The following PCNX1 variants were observed in gnomAD, a reference collection of about 807,000 sequenced individuals.
PCNX1 encodes the protein pecanex-like protein 1.
A neutral mutation model predicts 242.2 loss-of-function variants in PCNX1; 78 were observed. The observed-to-expected ratio is 0.32, with a 90% CI of 0.27 to 0.39. The LOEUF is 0.39. PCNX1 is among the 10% of genes least tolerant of loss of function. PCNX1 has a pLI of 1.00. For missense variants in PCNX1, 2,581 were observed against 2,856.5 expected (o/e 0.90, Z 2.20); for synonymous variants, 1,024 against 1,032.9 (o/e 0.99, Z 0.17).
intron 2 of PCNX1, among the ~76,000 whole-genome samples, chr14:70,955,281 A>T (rs960861007): frequency 6.6e-6 from 1 of 152,198 alleles, no homozygotes; most frequent in African/African-American, 2.4e-5. Flanking sequence ...GATCAATTTA[A>T]ACTGTATGAA....
At chr14:71,048,988 A>T (rs2060946134) in intron 22 of PCNX1, 6 of 879,850 alleles carry the variant, frequency 6.8e-6, no homozygotes, top group Non-Finnish European at 8.2e-6. Flanking sequence ...TTCCTCTTCT[A>T]GTGAGTATGG....
intron 17 of PCNX1, 32 bp downstream of exon 17, chr14:71,033,570 G>A: frequency 1.7e-6 from 2 of 1,171,350 alleles, no homozygotes; most frequent in Admixed American, 1.9e-5. Context: ...TGAATTAAAA[G>A]AAATTTAAGT....
chr14:70,949,302 C>G (rs79700058), intron 2 of PCNX1, among the ~76,000 whole-genome samples: 37 of 146,252 alleles, frequency 2.5e-4, no homozygotes, highest in African/African-American at 9.1e-4. Context: ...TGTGTACACA[C>G]ATATGTGTGT....
At position 71,029,387 on chromosome 14, in the gene PCNX1, A is replaced by G. The variant is rs149602508; in HGVS notation, c.3558+596A>G. ...TTTGTTTGGCGACTAGTGCAAGACA[A>G]TCAGAGAATGGTAGGGTTGAAAGGA... On this transcript the variant is annotated intron_variant, in intron 16 of 35. Coordinates refer to ENST00000304743, the MANE Select transcript of PCNX1 (RefSeq NM_014982.3). Among the ~76,000 whole-genome samples, 645 of 152,292 alleles carry G rather than the reference A, an allele frequency of 4.2e-3. 5 individuals are homozygous for G. The highest frequency in any genetic ancestry group is 6.9e-3 in the Non-Finnish European group (470 of 68,014).
intron 8 of PCNX1, among the ~76,000 whole-genome samples, chr14:71,005,521 G>A (rs34548016): frequency 1.3e-5 from 2 of 151,816 alleles, no homozygotes; most frequent in South Asian, 2.1e-4. Context: ...AAAAAAAAGG[G>A]GGGGTGGGGA....
In PCNX1 at chr14:71,057,781, T is replaced by TA; in HGVS notation, c.4852+58dup. On this transcript the variant is annotated intron_variant, in intron 26 of 35. Transcript: ENST00000304743. ...GCATACTCCTGTGGCACCTTAGTTT[T>TA]ACATGTTTCTATCTCAAACCAGAAG... 3.5e-6 allele frequency: 4 copies of TA among 1,140,830 alleles called. No individual in the cohort carries two copies. The South Asian group carries it at 5.4e-5, about 15-fold the overall frequency. 70.7% of individuals were successfully genotyped at this position (1,140,830 alleles called of 1,614,324 possible). A position where few individuals can be genotyped will look rare whatever the true frequency, so the allele number is the denominator to read the frequency against.
Position 70,952,113 on chromosome 14 carries a change from A to G in PCNX1, c.362+4990A>G, listed in dbSNP as rs372521409. ...GAGGAAAATAATGGAACTCTCTCAT[A>G]GGATTATTACAATGAATAAATGAAA... is the stretch of plus-strand genomic sequence containing the variant. On this transcript the variant is annotated intron_variant, in intron 2 of 35. Transcript: ENST00000304743. Among the ~76,000 whole-genome samples, 16 of 152,334 alleles carry G rather than the reference A, an allele frequency of 1.1e-4. No individual in the cohort carries two copies. In the East Asian group the frequency reaches 2.9e-3, roughly 28 times the overall value.
intron 9 of PCNX1, among the ~76,000 whole-genome samples, chr14:71,011,289 G>A (rs2140547287): frequency 6.6e-6 from 1 of 152,242 alleles, no homozygotes; most frequent in Middle Eastern, 3.4e-3. Flanking sequence ...TAGGTAACTT[G>A]TCCAAGATCT....
At chr14:71,057,436 A>T in intron 25 of PCNX1, 73 bp from the exon 26 acceptor site, 1 of 934,536 alleles carries the variant, frequency 1.1e-6, no homozygotes, top group South Asian at 1.5e-5. Context: ...GAAGTTTTTA[A>T]TATTTTTAAC....
intron 26 of PCNX1, among the ~76,000 whole-genome samples, chr14:71,063,544 T>G (rs1163065278): frequency 6.6e-6 from 1 of 152,320 alleles, no homozygotes; most frequent in South Asian, 2.1e-4. Context: ...GGGATGAGTA[T>G]ACTCTTGCTC....
chr14:70,984,588 G>A (rs1315203049), intron 6 of PCNX1, among the ~76,000 whole-genome samples: 2 of 145,888 alleles, frequency 1.4e-5, no homozygotes, highest in East Asian at 1.9e-4. Context: ...GGGTTTCACC[G>A]TGTTAGCCAG....
chr14:71,046,178 T>C (rs2060855222), intron 20 of PCNX1, among the ~76,000 whole-genome samples: 3 of 152,112 alleles, frequency 2.0e-5, no homozygotes, highest in African/African-American at 7.2e-5. Flanking sequence ...AGAATCTTTA[T>C]TGGCCCATTT....
chr14:71,115,060 G>A lies in PCNX1; in HGVS notation c.*5125G>A, dbSNP rs565455225. ...AAGTCTGGCAATGAGCTCTGCATGA[G>A]GAAATGGAAGGAGGAATATTGAAAA... On this transcript the variant is annotated 3_prime_UTR_variant, in exon 36 of 36. Coordinates refer to ENST00000304743, the MANE Select transcript of PCNX1 (RefSeq NM_014982.3). The A allele has an allele frequency of 3.2e-3, 482 of 152,214 alleles. 2 individuals are homozygous for A. Among genetic ancestry groups the A allele is most frequent in the Middle Eastern group, 0.01 (3 of 294 alleles). 9.4% of individuals were successfully genotyped at this position (152,214 alleles called of 1,614,324 possible). A position where few individuals can be genotyped will look rare whatever the true frequency, so the allele number is the denominator to read the frequency against.
chr14:71,012,986 T>G lies in PCNX1; in HGVS notation c.2780T>G (p.Leu927Arg), dbSNP rs760953329. 2.5e-6 allele frequency: 4 copies of G among 1,608,198 alleles called. No individual in the cohort carries two copies. The highest frequency in any genetic ancestry group is 3.4e-6 in the Non-Finnish European group (4 of 1,174,564). The change falls in exon 11 of 36, where the codon CTC becomes CGC. Residue 927 changes from leucine (L) to arginine (R), a missense_variant and splice_region_variant. Transcript: ENST00000304743. ...TSVRFYPHDV[L>R]SLPQIRLNRL... is the part of the protein sequence containing the mutation. ...CTTTCAATGCTGACTTTCTTTTAGC[T>G]CTCTCTCCCACAGATTCGATTGAAT...
At chr14:71,027,031 G>A (rs909105470) in intron 15 of PCNX1, 149 bp downstream of exon 15, 2 of 464,906 alleles carry the variant, frequency 4.3e-6, no homozygotes, top group African/African-American at 2.0e-5. Context: ...AGACTGAGAA[G>A]CAATTAATTT....
chr14:70,936,001 A>G (rs1020813139), intron 1 of PCNX1, among the ~76,000 whole-genome samples: 6 of 152,224 alleles, frequency 3.9e-5, no homozygotes, highest in African/African-American at 1.4e-4. Context: ...ATATGTATCA[A>G]AGCAGTTTGT....
At position 70,977,026 on chromosome 14, in the gene PCNX1, A is replaced by C. The variant is rs1175220235; in HGVS notation, c.689A>C (p.Gln230Pro). ...CAGCCTTCCTTATCCTCTTGTGGAC[A>C]GGACTTGCCAAGGGACTTCAGTGAC... is the stretch of plus-strand genomic sequence containing the variant. ...SIQPSLSSCG[Q>P]DLPRDFSDKV... The change falls in exon 6 of 36, where the codon CAG becomes CCG. Residue 230 changes from glutamine (Q) to proline (P), a missense_variant. Transcript: ENST00000304743. The C allele has an allele frequency of 6.2e-7, 1 of 1,614,216 alleles. No homozygotes were observed. The highest frequency in any genetic ancestry group is 1.3e-5 in the African/African-American group (1 of 75,048).
At chr14:71,082,976 C>T (rs1303426574) in intron 28 of PCNX1, among the ~76,000 whole-genome samples, 1 of 152,084 alleles carries the variant, frequency 6.6e-6, no homozygotes, top group East Asian at 1.9e-4. Flanking sequence ...TTTATAGTAC[C>T]AGTGGCTGGT....
intron 1 of PCNX1, among the ~76,000 whole-genome samples, chr14:70,914,221 C>T (rs1020196077): frequency 1.3e-5 from 2 of 152,144 alleles, no homozygotes; most frequent in African/African-American, 4.8e-5. Context: ...AAAAGCTATA[C>T]ATTGGCTACT....
Sources: allele counts gnomAD v4.1 joint callset (sites outside exome capture counted in the v4.1 genomes callset), GRCh38; gene constraint gnomAD v4.1.1; transcripts MANE v1.5; gene names NCBI Gene and HGNC (gene_info 2026-07-23, HGNC 2026-07-21).